The following BSCL2 variants were observed in gnomAD, a reference collection of about 807,000 sequenced individuals.
BSCL2 encodes the protein seipin.
Under a neutral mutation model 57.4 loss-of-function variants are expected in BSCL2, and 41 were observed. The observed-to-expected ratio is 0.71, with a 90% CI of 0.56 to 0.93. The LOEUF (loss-of-function observed/expected upper bound fraction) is 0.93. Ranked by LOEUF, BSCL2 falls within the 40% of genes least tolerant of loss-of-function variation. BSCL2 has a pLI of 0.00. For missense variants in BSCL2, 539 were observed against 586.7 expected, an observed-to-expected ratio of 0.92 and a Z score of 0.84; for synonymous variants, 237 against 227.3, an observed-to-expected ratio of 1.04 and a Z score of -0.38.
In BSCL2 at chr11:62,705,355, T is replaced by C. The variant is rs1218475333; in HGVS notation, c.350A>G (p.Tyr117Cys). The change falls in exon 2 of 11, where the codon TAC becomes TGC. Residue 117 changes from tyrosine to cysteine, a missense_variant. Transcript: ENST00000360796. ...GCTGACTGTCGGCATATAGGAATAGTAGAAGGAGCCATAGAGGAAGACAGA... is the reference window on the plus strand; with the variant it reads ...GCTGACTGTCGGCATATAGGAATAGCAGAAGGAGCCATAGAGGAAGACAGA... ...WVSVFLYGSFYYSYMPTVSHL... is the reference protein window; with the variant it reads ...WVSVFLYGSFCYSYMPTVSHL... 6 of 1,613,962 alleles carry C rather than the reference T, an allele frequency of 3.7e-6. No individual in the cohort carries two copies. The highest frequency in any genetic ancestry group is 5.1e-6 in the Non-Finnish European group (6 of 1,179,944).
At chr11:62,701,785 T>A (rs1210994291) in intron 3 of BSCL2, among the ~76,000 whole-genome samples, 3 of 144,230 alleles carry the variant, frequency 2.1e-5, no homozygotes, top group Non-Finnish European at 4.5e-5. Flanking sequence ...TGAGCTGAGA[T>A]CGCGCCACTG....
chr11:62,695,693 A>ACTGC (rs1945437755), intron 3 of BSCL2, among the ~76,000 whole-genome samples: 1 of 145,376 alleles, frequency 6.9e-6, no homozygotes. Flanking sequence ...CCTGGGCGAC[A>ACTGC]AGAGCAAAAC....
chr11:62,707,538 C>G, upstream of BSCL2: 1 of 605,804 alleles, frequency 1.7e-6, no homozygotes, highest in South Asian at 1.9e-5. Context: ...GGGGAGGTCT[C>G]TAGCCCAGAG....
chr11:62,690,443 G>A lies in BSCL2; in HGVS notation c.1313C>T (p.Pro438Leu), dbSNP rs1473465067. The A allele has an allele frequency of 1.2e-5, 20 of 1,614,080 alleles. No individual in the cohort carries two copies. The Admixed American group carries it at 3.0e-4, about 24-fold the overall frequency. Residue 438 changes from proline to leucine, a missense_variant, in exon 11 of 11, where the codon CCT becomes CTT. Pro to Leu is a moderately conservative substitution (Grantham distance 98). Transcript: ENST00000360796. ...AGAGCTGCCCAGAGTCTCTAGGACA[G>A]GGGCAGAAGCAGAAGCAGGAGCAGG... Reference protein sequence around the residue: ...PAPAPASASAPVLETLGSSEP... With the variant: ...PAPAPASASALVLETLGSSEP...
rs777493184 is a variant in BSCL2 at position 62,694,685 on chromosome 11, A to G, written c.513T>C (p.Arg171=). 5 of 1,614,132 alleles carry G rather than the reference A, an allele frequency of 3.1e-6. No homozygotes were observed. In the South Asian group the frequency reaches 5.5e-5, roughly 18 times the overall value. ...DRVLMYGQPY[R]VTLELELPES... Reference sequence around the variant, plus strand: ...CTGGCAGCTCAAGCTCTAAGGTAACACGATACGGCTGTCCATACATCAGCA... The same window carrying G: ...CTGGCAGCTCAAGCTCTAAGGTAACGCGATACGGCTGTCCATACATCAGCA... The change falls in exon 4 of 11, where the codon CGT becomes CGC. Residue 171 remains arginine, a synonymous_variant. Transcript: ENST00000360796.
At chr11:62,709,175 T>C (rs1056644454), upstream of BSCL2, 2 of 462,526 alleles carry the variant, frequency 4.3e-6, no homozygotes, top group Non-Finnish European at 8.6e-6. Flanking sequence ...TAAAGCCATT[T>C]GAAGAATAAA....
intron 1 of BSCL2, chr11:62,706,420 C>T (rs1032421684): frequency 1.1e-5 from 6 of 567,940 alleles, no homozygotes; most frequent in Middle Eastern, 7.0e-4. Context: ...GGAGCCTTCC[C>T]GAGCTGCGAG....
In BSCL2 at chr11:62,692,801, C is replaced by G; in HGVS notation, c.631-4G>C. ...CTGAGCGGTAATGCAGCATCACCTG[C>G]CGGGGGTGGGAAGCAGAGGCTGGGG... is the stretch of plus-strand genomic sequence containing the variant. On this transcript the variant is annotated splice_region_variant and splice_polypyrimidine_tract_variant and intron_variant, in intron 4 of 10. Transcript: ENST00000360796. 3 of 1,612,992 alleles carry G rather than the reference C, an allele frequency of 1.9e-6. No individual in the cohort carries two copies. The highest frequency in any genetic ancestry group is 2.5e-6 in the Non-Finnish European group (3 of 1,179,966).
In BSCL2 at chr11:62,705,075, C is replaced by CT. The variant is rs566098807; in HGVS notation, c.404+225dup. 0.066 allele frequency among the ~76,000 whole-genome samples: 8,751 copies of CT among 133,004 alleles called. 298 individuals are homozygous for CT. The highest frequency in any genetic ancestry group is 0.13 in the East Asian group (616 of 4,624). The allele number at this position is 133,004 out of a possible 152,430, so 87.3% of individuals were successfully genotyped here. On this transcript the variant is annotated intron_variant, in intron 2 of 10. Coordinates refer to ENST00000360796, the MANE Select transcript of BSCL2 (RefSeq NM_001122955.4). ...ATAATGATAGAAGTGGATATTTTTC[C>CT]TTTTTTTTTTTTTTTTTTTAACCAG...
chr11:62,704,674 C>T (rs1361178113), intron 2 of BSCL2, among the ~76,000 whole-genome samples: 10 of 151,356 alleles, frequency 6.6e-5, no homozygotes, highest in African/African-American at 2.4e-4. Context: ...ATTGCTTGAA[C>T]CTGGGAGGTT....
rs1401626155 is a variant in BSCL2 at position 62,705,795 on chromosome 11, T to A, written c.88-178A>T. On this transcript the variant is annotated intron_variant, in intron 1 of 10. Transcript: ENST00000360796. ...TCTGCCAATTACCCCTTCCCTTTCC[T>A]CCACTGTGTTCCCTCCCGCCCAGTG... 6.1e-6 allele frequency: 4 copies of A among 651,236 alleles called. No homozygotes were observed. The East Asian group carries it at 1.1e-4, about 18-fold the overall frequency. The allele number at this position is 651,236 out of a possible 1,614,324, so 40.3% of individuals were successfully genotyped here. A position where few individuals can be genotyped will look rare whatever the true frequency, so the allele number is the denominator to read the frequency against.
chr11:62,709,162 G>C, upstream of BSCL2: 2 of 468,600 alleles, frequency 4.3e-6, no homozygotes, highest in Non-Finnish European at 4.2e-6. Context: ...GCTACTGGGA[G>C]GGTAAAGCCA....
At chr11:62,706,176 G>A in intron 1 of BSCL2, 1 of 1,035,852 alleles carries the variant, frequency 9.7e-7, no homozygotes, top group Non-Finnish European at 1.2e-6. Flanking sequence ...CCAGCTCGGG[G>A]GTGGGCAAAG....
At chr11:62,705,762 T>G (rs2083520271) in intron 1 of BSCL2, 145 bp from the exon 2 acceptor site, 2 of 813,430 alleles carry the variant, frequency 2.5e-6, no homozygotes, top group African/African-American at 3.5e-5. Flanking sequence ...TCCAAATGAT[T>G]GTGCCACTCT....
upstream of BSCL2, chr11:62,708,526 G>A (rs2083581307): frequency 8.0e-7 from 1 of 1,255,198 alleles, no homozygotes. Context: ...GGGCTCTGTA[G>A]AGAGAGCTGT....
chr11:62,707,004 C>A (rs892456686), intron 1 of BSCL2, 105 bp downstream of exon 1: 14 of 1,022,788 alleles, frequency 1.4e-5, no homozygotes, highest in Admixed American at 1.1e-4. Flanking sequence ...GTAATCTATT[C>A]AAAATGAATG....
rs942943286 is a variant in BSCL2, at chr11:62,707,223, G to A, written c.-28C>T. 3 of 1,540,316 alleles carry A rather than the reference G, an allele frequency of 1.9e-6. No individual in the cohort carries two copies. In the African/African-American group the frequency reaches 4.1e-5, roughly 21 times the overall value. ...TCCTGACGAGCCTCTGTTGACTCTGGATCTTCCACTGAGTCACTTGTGGCT... is the reference window on the plus strand; with the variant it reads ...TCCTGACGAGCCTCTGTTGACTCTGAATCTTCCACTGAGTCACTTGTGGCT... On this transcript the variant is annotated 5_prime_UTR_variant, in exon 1 of 11. Coordinates refer to ENST00000360796, the MANE Select transcript of BSCL2 (RefSeq NM_001122955.4).
rs761339151 is a variant in BSCL2, at chr11:62,691,313, C to T, written c.972G>A (p.Gly324=). ...AGAAGCGGTGTCGGGGCCAGATGCC[C>T]CCCCACACCCACTGCATGTAGCTGA... The part of the protein sequence containing the change: ...VLFSYMQWVW[G]GIWPRHRFSL... Residue 324 remains glycine, a synonymous_variant, in exon 7 of 11, where the codon GGG becomes GGA. Transcript: ENST00000360796. The T allele has an allele frequency of 1.9e-6, 3 of 1,614,154 alleles. No individual in the cohort carries two copies. The highest frequency in any genetic ancestry group is 1.7e-5 in the Admixed American group (1 of 60,016).
At chr11:62,692,898 T>A in intron 4 of BSCL2, 101 bp from the exon 5 acceptor site, 4 of 1,511,506 alleles carry the variant, frequency 2.6e-6, no homozygotes, top group Non-Finnish European at 3.6e-6. Context: ...GAAGGCGGCT[T>A]CTTCCTCAGG....
Sources: gnomAD v4.1 joint callset for allele counts (sites outside exome capture counted in the v4.1 genomes callset) on GRCh38, gnomAD v4.1.1 for gene constraint, MANE v1.5 for transcripts, NCBI Gene and HGNC (gene_info 2026-07-23, HGNC 2026-07-21) for gene names.